The following ARSJ variants were observed in gnomAD, a reference collection of about 807,000 sequenced individuals.
The protein encoded by ARSJ is arylsulfatase family member J.
ARSJ carries 26 observed loss-of-function variants against 35.9 expected under a neutral mutation model. That is an observed-to-expected ratio of 0.72 (90% CI 0.53 to 1.00). ARSJ has a LOEUF of 1.00. Among genes scored for constraint, ARSJ ranks in the 50% least tolerant of loss-of-function variants. The pLI is 0.00. For synonymous variants in ARSJ, 294 were observed against 267.6 expected, an observed-to-expected ratio of 1.10 and a Z score of -0.96; for missense variants, 667 against 723.6, an observed-to-expected ratio of 0.92 and a Z score of 0.90.
At chr4:113,929,159 G>T (rs561450299) in intron 1 of ARSJ, among the ~76,000 whole-genome samples, 32 of 152,096 alleles carry the variant, frequency 2.1e-4, no homozygotes, top group African/African-American at 7.7e-4. Context: ...CTGTTCTCCA[G>T]ATTGCTGTTT....
intron 1 of ARSJ, among the ~76,000 whole-genome samples, chr4:113,948,587 C>A (rs1022760826): frequency 6.6e-5 from 10 of 151,686 alleles, no homozygotes; most frequent in African/African-American, 2.4e-4. Flanking sequence ...ATTTTTTTTC[C>A]AGACACATTG....
At position 113,900,685 on chromosome 4, in the gene ARSJ, T is replaced by C. The variant is rs534684290; in HGVS notation, c.*1589A>G. 3 of 152,344 alleles carry C rather than the reference T, an allele frequency of 2.0e-5. No individual in the cohort carries two copies. Among genetic ancestry groups the C allele is most frequent in the African/African-American group, 7.2e-5 (3 of 41,580 alleles). 9.4% of individuals were successfully genotyped at this position (152,344 alleles called of 1,614,324 possible). On this transcript the variant is annotated 3_prime_UTR_variant, in exon 2 of 2. Transcript: ENST00000315366. ...AGCTATCTGTGACTTTTCAAGTGTATACTGTAAGCTTCAAGGCCTCTGCAT... is the reference window on the plus strand; with the variant it reads ...AGCTATCTGTGACTTTTCAAGTGTACACTGTAAGCTTCAAGGCCTCTGCAT...
intron 1 of ARSJ, among the ~76,000 whole-genome samples, chr4:113,930,352 C>T (rs191499235): frequency 1.3e-5 from 2 of 152,090 alleles, no homozygotes; most frequent in African/African-American, 2.4e-5. Context: ...CCAGTCTCAC[C>T]TTTTCACGTT....
intron 1 of ARSJ, among the ~76,000 whole-genome samples, chr4:113,909,565 C>T (rs2099669815): frequency 6.6e-6 from 1 of 152,140 alleles, no homozygotes; most frequent in African/African-American, 2.4e-5. Context: ...CTCATGAGAT[C>T]CCATGATTTC....
intron 1 of ARSJ, among the ~76,000 whole-genome samples, chr4:113,929,650 G>A (rs985586809): frequency 6.6e-5 from 10 of 152,124 alleles, no homozygotes; most frequent in African/African-American, 2.4e-4. Flanking sequence ...TGGCAGGTCA[G>A]CCACTCACAT....
At chr4:113,909,531 A>G (rs1262370570) in intron 1 of ARSJ, among the ~76,000 whole-genome samples, 1 of 152,096 alleles carries the variant, frequency 6.6e-6, no homozygotes, top group Non-Finnish European at 1.5e-5. Context: ...AGTTTTCCTC[A>G]TGCTATTCTC....
intron 1 of ARSJ, among the ~76,000 whole-genome samples, chr4:113,951,564 AC>A: frequency 6.6e-6 from 1 of 152,218 alleles, no homozygotes; most frequent in South Asian, 2.1e-4. Context: ...CACACGGTGA[AC>A]TTGCAGGCAG....
chr4:113,924,087 ATATATATATAT>A (rs1723890163), intron 1 of ARSJ, among the ~76,000 whole-genome samples: 11 of 127,602 alleles, frequency 8.6e-5, no homozygotes, highest in African/African-American at 3.6e-4. Context: ...ATATATATAT[ATATATATATAT>A]ATATATATAT....
Position 113,901,856 on chromosome 4 carries a change from A to C in ARSJ, c.*418T>G. 2.6e-5 allele frequency: 1 copy of C among 38,122 alleles called. No homozygotes were observed. The highest frequency in any genetic ancestry group is 1.2e-4 in the Non-Finnish European group (1 of 8,410). The allele number at this position is 38,122 out of a possible 1,614,324, so 2.4% of individuals were successfully genotyped here. A position where few individuals can be genotyped will look rare whatever the true frequency, so the allele number is the denominator to read the frequency against. On this transcript the variant is annotated 3_prime_UTR_variant, in exon 2 of 2. Coordinates refer to ENST00000315366, the MANE Select transcript of ARSJ (RefSeq NM_024590.4). ...TATCAAAGGTAGTTTTAATCATGCT[A>C]CCCTGTAACTTCCATCAAATTAGCA...
chr4:113,922,160 A>G (rs765021257), intron 1 of ARSJ, among the ~76,000 whole-genome samples: 15 of 152,268 alleles, frequency 9.9e-5, no homozygotes, highest in Non-Finnish European at 2.1e-4. Flanking sequence ...TTCCCAAGGG[A>G]CATCTTCTGA....
chr4:113,947,583 A>T, intron 1 of ARSJ, among the ~76,000 whole-genome samples: 1 of 133,254 alleles, frequency 7.5e-6, no homozygotes, highest in South Asian at 2.8e-4. Context: ...AAGAAGGGAA[A>T]GGAAGGAAGG....
In ARSJ at chr4:113,903,070, C is replaced by T. The variant is rs1310436940; in HGVS notation, c.1004G>A (p.Gly335Glu). 9 of 1,614,068 alleles carry T rather than the reference C, an allele frequency of 5.6e-6. No homozygotes were observed. The African/African-American group carries it at 1.1e-4, about 19-fold the overall frequency. The change falls in exon 2 of 2, where the codon GGA becomes GAA. Residue 335 changes from glycine to glutamate, a missense_variant. Transcript: ENST00000315366. ...SSDNGGQPTAGGSNWPLRGSK... is the reference protein window; with the variant it reads ...SSDNGGQPTAEGSNWPLRGSK... ...ACCTCTGAGAGGCCAGTTACTCCCT[C>T]CTGCCGTAGGCTGGCCACCATTATC...
chr4:113,902,153 C>A lies in ARSJ; in HGVS notation c.*121G>T, dbSNP rs994649662. On this transcript the variant is annotated 3_prime_UTR_variant, in exon 2 of 2. Coordinates refer to ENST00000315366, the MANE Select transcript of ARSJ (RefSeq NM_024590.4). ...GGCAGAAGTCTCTGGAGTGGCACAGCATGAAAACAAGCCTGACGCTTAGGC... is the reference window on the plus strand; with the variant it reads ...GGCAGAAGTCTCTGGAGTGGCACAGAATGAAAACAAGCCTGACGCTTAGGC... 7 of 1,598,046 alleles carry A rather than the reference C, an allele frequency of 4.4e-6. No individual in the cohort carries two copies. Among genetic ancestry groups the A allele is most frequent in the Non-Finnish European group, 5.1e-6 (6 of 1,179,580 alleles).
chr4:113,908,210 A>G (rs765417198), intron 1 of ARSJ, among the ~76,000 whole-genome samples: 1 of 152,228 alleles, frequency 6.6e-6, no homozygotes, highest in Non-Finnish European at 1.5e-5. Flanking sequence ...CAAAACTTAA[A>G]TGGGATCTCA....
At chr4:113,930,213 C>A (rs1221684433) in intron 1 of ARSJ, among the ~76,000 whole-genome samples, 1 of 152,078 alleles carries the variant, frequency 6.6e-6, no homozygotes, top group East Asian at 1.9e-4. Flanking sequence ...CAAGGTCCCA[C>A]AATAGGCTGT....
At chr4:113,954,267 T>C (rs915389154) in intron 1 of ARSJ, among the ~76,000 whole-genome samples, 5 of 152,084 alleles carry the variant, frequency 3.3e-5, no homozygotes, top group African/African-American at 1.2e-4. Flanking sequence ...TCCTTGCAAT[T>C]AATACAAATT....
Position 113,902,383 on chromosome 4 carries a change from G to A in ARSJ, c.1691C>T (p.Pro564Leu). ...WYKEETKKKK[P>L]SKNQAEKKQK... ...CTTTTTCTCAGCCTGATTTTTGCTT[G>A]GCTTCTTTTTCTTGGTTTCCTCTTT... Residue 564 changes from proline to leucine, a missense_variant, in exon 2 of 2, where the codon CCA becomes CTA. By Grantham distance (98) the Pro-to-Leu change is moderately conservative. Transcript: ENST00000315366. 1 of 1,613,456 alleles carries A rather than the reference G, an allele frequency of 6.2e-7. No homozygotes were observed. The highest frequency in any genetic ancestry group is 1.1e-5 in the South Asian group (1 of 91,016).
chr4:113,925,016 T>A (rs1221727619), intron 1 of ARSJ, among the ~76,000 whole-genome samples: 1 of 152,116 alleles, frequency 6.6e-6, no homozygotes, highest in Non-Finnish European at 1.5e-5. Context: ...TGTTGTAGTT[T>A]CCCATTGACC....
At chr4:113,974,936 G>A (rs941387884) in intron 1 of ARSJ, among the ~76,000 whole-genome samples, 4 of 152,142 alleles carry the variant, frequency 2.6e-5, no homozygotes, top group African/African-American at 9.7e-5. Context: ...ATTAACAGTA[G>A]AATGGGTAAA....
Sources: gnomAD v4.1 joint callset for allele counts (sites outside exome capture counted in the v4.1 genomes callset) on GRCh38, gnomAD v4.1.1 for gene constraint, MANE v1.5 for transcripts, NCBI Gene and HGNC (gene_info 2026-07-23, HGNC 2026-07-21) for gene names.